SCML2: variants seen among roughly 807,000 people sequenced by gnomAD.
The protein encoded by SCML2 is sex comb on midleg-like protein 2.
Under a neutral mutation model 48.4 loss-of-function variants are expected in SCML2, and 6 were observed. The observed-to-expected ratio is 0.12, with a 90% confidence interval of 0.07 to 0.24. The LOEUF is 0.24. SCML2 is among the 10% of genes least tolerant of loss of function. The pLI, the probability that SCML2 is intolerant of heterozygous loss-of-function variation, is 1.00. For missense variants in SCML2, 377 were observed against 528.2 expected (o/e 0.71, Z 2.81); for synonymous variants, 181 against 189.5 (o/e 0.95, Z 0.37).
At chrX:18,313,727 T>C (rs1929031717) in intron 6 of SCML2, among the ~76,000 whole-genome samples, 1 of 112,113 alleles carries the variant, frequency 8.9e-6, no homozygotes, top group African/African-American at 3.2e-5. Context: ...TTGAGATAAA[T>C]GATGTAGCCT....
chrX:18,342,103 T>C (rs1018025611), intron 1 of SCML2, among the ~76,000 whole-genome samples: 1 of 111,986 alleles, frequency 8.9e-6, no homozygotes, highest in African/African-American at 3.2e-5. Flanking sequence ...CAAGGAAAAC[T>C]GCAAAAAAGC....
At chrX:18,243,048 T>TTTTTG (rs1926323997) in intron 13 of SCML2, among the ~76,000 whole-genome samples, 1 of 111,925 alleles carries the variant, frequency 8.9e-6, no homozygotes, top group Non-Finnish European at 1.9e-5. Flanking sequence ...TTACAGTTAG[T>TTTTTG]TTTTGTTTTG....
intron 7 of SCML2, among the ~76,000 whole-genome samples, chrX:18,292,569 A>C (rs1236259415): frequency 9.0e-6 from 1 of 111,331 alleles, no homozygotes. Context: ...CCCCTTTTCA[A>C]ACGAAAATTG....
At chrX:18,350,286 A>T (rs903740461) in intron 1 of SCML2, among the ~76,000 whole-genome samples, 5 of 108,885 alleles carry the variant, frequency 4.6e-5, no homozygotes, top group Non-Finnish European at 7.6e-5. Flanking sequence ...CTCAAAAAAA[A>T]CAAAGGCCAG....
intron 11 of SCML2, among the ~76,000 whole-genome samples, chrX:18,253,111 A>T (rs775534545): frequency 4.1e-4 from 46 of 112,029 alleles, no homozygotes; most frequent in African/African-American, 1.3e-3. Flanking sequence ...GAAGGGAAGT[A>T]CAATTCCCCA....
At chrX:18,333,815 C>T (rs1490764377) in intron 2 of SCML2, among the ~76,000 whole-genome samples, 1 of 112,069 alleles carries the variant, frequency 8.9e-6, no homozygotes, top group African/African-American at 3.2e-5. Flanking sequence ...GGCTTTGTCA[C>T]AAACTGTTGT....
At chrX:18,344,243 G>A (rs1038182466) in intron 1 of SCML2, among the ~76,000 whole-genome samples, 4 of 111,144 alleles carry the variant, frequency 3.6e-5, no homozygotes, top group Admixed American at 1.9e-4. Flanking sequence ...CTCTTCCTCT[G>A]CATTTTATTT....
chrX:18,283,754 G>C (rs2147501997), intron 7 of SCML2, among the ~76,000 whole-genome samples: 1 of 111,575 alleles, frequency 9.0e-6, no homozygotes, highest in East Asian at 2.8e-4. Context: ...TCTACAAGAA[G>C]AACTATAAAC....
chrX:18,300,034 T>C (rs986813570), intron 7 of SCML2, among the ~76,000 whole-genome samples: 1 of 111,252 alleles, frequency 9.0e-6, no homozygotes, highest in Non-Finnish European at 1.9e-5. Context: ...CCACTATGCC[T>C]GGCCAGAAAA....
intron 1 of SCML2, among the ~76,000 whole-genome samples, chrX:18,348,153 A>G (rs1273307015): frequency 4.5e-5 from 5 of 112,328 alleles, no homozygotes; most frequent in East Asian, 2.8e-4. Context: ...GTTTTAAAGC[A>G]CAGCTACAGG....
intron 7 of SCML2, among the ~76,000 whole-genome samples, chrX:18,268,623 G>C (rs1443781749): frequency 9.2e-6 from 1 of 109,289 alleles, no homozygotes; most frequent in Non-Finnish European, 1.9e-5. Context: ...TTTTCTCGGT[G>C]GGGGGAGGGA....
intron 7 of SCML2, among the ~76,000 whole-genome samples, chrX:18,271,393 A>G (rs1304164360): frequency 1.8e-5 from 2 of 109,205 alleles, no homozygotes; most frequent in Non-Finnish European, 3.8e-5. Flanking sequence ...AACAACAACA[A>G]CAACAAAAAG....
At chrX:18,295,390 T>C (rs1302089355) in intron 7 of SCML2, among the ~76,000 whole-genome samples, 2 of 111,821 alleles carry the variant, frequency 1.8e-5, no homozygotes, top group Non-Finnish European at 3.8e-5. Context: ...CCTGGAGGCC[T>C]GAAGATGGGC....
In SCML2 at chrX:18,278,796, A is replaced by G. The variant is rs945587406; in HGVS notation, c.731-12994T>C. On this transcript the variant is annotated intron_variant, in intron 7 of 14. Transcript: ENST00000251900. ...CCAGCACAGCTGGAACCTGACCAGG[A>G]GCCACGGAAAGTTCCAGTTCCTCCA... Among the ~76,000 whole-genome samples, 31 of 112,927 alleles carry G rather than the reference A, an allele frequency of 2.7e-4. No homozygotes were observed. The Admixed American group carries it at 2.9e-3, about 10-fold the overall frequency.
chrX:18,329,969 T>C (rs1418964346), intron 3 of SCML2, among the ~76,000 whole-genome samples: 1 of 111,865 alleles, frequency 8.9e-6, no homozygotes, highest in Non-Finnish European at 1.9e-5. Context: ...TCCCAGCTAC[T>C]CGGGAGGCTG....
intron 6 of SCML2, among the ~76,000 whole-genome samples, chrX:18,316,031 C>T (rs1277466410): frequency 2.7e-5 from 3 of 110,937 alleles, no homozygotes; most frequent in Non-Finnish European, 5.7e-5. Context: ...CCTCCAGAGG[C>T]CAAAATCAAG....
intron 7 of SCML2, among the ~76,000 whole-genome samples, chrX:18,283,670 AAC>A (rs929347469): frequency 3.6e-5 from 4 of 112,171 alleles, no homozygotes; most frequent in Admixed American, 9.5e-5. Context: ...TCAAATCAAG[AAC>A]ACAATCCCAT....
intron 6 of SCML2, among the ~76,000 whole-genome samples, chrX:18,311,773 T>C (rs1025404666): frequency 5.6e-5 from 6 of 107,300 alleles, no homozygotes; most frequent in African/African-American, 2.0e-4. Flanking sequence ...TAATTTGACT[T>C]ATGTGGGTTT....
At chrX:18,287,091 T>C (rs1172993755) in intron 7 of SCML2, among the ~76,000 whole-genome samples, 4 of 111,548 alleles carry the variant, frequency 3.6e-5, no homozygotes, top group African/African-American at 1.3e-4. Flanking sequence ...TGATGGTCCA[T>C]GTAGGTTTCC....
Sources: allele counts gnomAD v4.1 joint callset (sites outside exome capture counted in the v4.1 genomes callset), GRCh38; gene constraint gnomAD v4.1.1; transcripts MANE v1.5; gene names NCBI Gene and HGNC (gene_info 2026-07-23, HGNC 2026-07-21).